PRR16: variants seen among roughly 807,000 people sequenced by gnomAD.
PRR16 encodes the protein proline rich 16, also known as protein Largen.
PRR16 carries 6 observed loss-of-function variants against 18.2 expected under a neutral mutation model. The ratio of observed to expected loss-of-function variants is 0.33; its 90% CI spans 0.18 to 0.65. The LOEUF is 0.65. PRR16 is among the 30% of genes least tolerant of loss of function. PRR16 has a pLI of 0.74. For synonymous variants in PRR16, 151 were observed against 147.8 expected (o/e 1.02, Z -0.16); for missense variants, 412 against 376.6 (o/e 1.09, Z -0.78).
At chr5:120,651,991 C>T (rs531795541) in intron 1 of PRR16, among the ~76,000 whole-genome samples, 1 of 151,964 alleles carries the variant, frequency 6.6e-6, no homozygotes, top group African/African-American at 2.4e-5. Flanking sequence ...TCTTTGTATC[C>T]TCTTTTATTT....
chr5:120,789,156 C>T, the PRR16 span, among the ~76,000 whole-genome samples: 1 of 152,010 alleles, frequency 6.6e-6, no homozygotes, highest in South Asian at 2.1e-4. Flanking sequence ...TTTCTGATAA[C>T]TTATAAATCA....
chr5:120,607,469 A>T (rs543105407), intron 1 of PRR16, among the ~76,000 whole-genome samples: 1 of 152,302 alleles, frequency 6.6e-6, no homozygotes, highest in Non-Finnish European at 1.5e-5. Context: ...AGAAGATTTC[A>T]TTTGAGAATT....
chr5:120,762,194 C>T, the PRR16 span, among the ~76,000 whole-genome samples: 1 of 152,106 alleles, frequency 6.6e-6, no homozygotes, highest in East Asian at 1.9e-4. Flanking sequence ...GCAAGTATCA[C>T]TTTGATATGT....
intron 1 of PRR16, among the ~76,000 whole-genome samples, chr5:120,520,670 T>C (rs1038069234): frequency 1.3e-5 from 2 of 152,188 alleles, no homozygotes; most frequent in Non-Finnish European, 2.9e-5. Context: ...TGTTGCATTT[T>C]ATTGTTCTCA....
the PRR16 span, among the ~76,000 whole-genome samples, chr5:120,756,045 G>T: frequency 6.6e-6 from 1 of 152,090 alleles, no homozygotes; most frequent in Non-Finnish European, 1.5e-5. Flanking sequence ...GTTGTGGAAG[G>T]TGACCAGTCA....
At chr5:120,647,179 G>A (rs1046424326) in intron 1 of PRR16, among the ~76,000 whole-genome samples, 1 of 151,762 alleles carries the variant, frequency 6.6e-6, no homozygotes, top group South Asian at 2.1e-4. Flanking sequence ...GGCGGGAGAA[G>A]TATAGAATGG....
chr5:120,607,131 T>C (rs997434839), intron 1 of PRR16, among the ~76,000 whole-genome samples: 3 of 152,206 alleles, frequency 2.0e-5, no homozygotes, highest in Admixed American at 6.5e-5. Context: ...CTATAAATAG[T>C]GGTTCCCAAT....
At chr5:120,521,589 GATCAA>G (rs1331568626) in intron 1 of PRR16, among the ~76,000 whole-genome samples, 1 of 152,058 alleles carries the variant, frequency 6.6e-6, no homozygotes, top group Non-Finnish European at 1.5e-5. Context: ...ATTGTGCAAT[GATCAA>G]ATCAGGGTAA....
chr5:120,470,172 G>A (rs1244509433), intron 1 of PRR16, among the ~76,000 whole-genome samples: 1 of 152,140 alleles, frequency 6.6e-6, no homozygotes, highest in Non-Finnish European at 1.5e-5. Context: ...CAATTTTAGA[G>A]ATTTAGAGTA....
At chr5:120,734,004 C>A in the PRR16 span, among the ~76,000 whole-genome samples, 1 of 152,132 alleles carries the variant, frequency 6.6e-6, no homozygotes, top group African/African-American at 2.4e-5. Flanking sequence ...AAAAAAAAAT[C>A]TACTTATTCA....
chr5:120,742,173 A>G, the PRR16 span, among the ~76,000 whole-genome samples: 1 of 151,698 alleles, frequency 6.6e-6, no homozygotes, highest in Non-Finnish European at 1.5e-5. Flanking sequence ...TTTGAAGCCT[A>G]TAAATAAATT....
At chr5:120,577,943 C>T (rs902177696) in intron 1 of PRR16, among the ~76,000 whole-genome samples, 5 of 151,906 alleles carry the variant, frequency 3.3e-5, no homozygotes, top group South Asian at 4.1e-4. Context: ...CTAGCACTTT[C>T]GGAATCCAGA....
At chr5:120,638,827 A>G (rs568133313) in intron 1 of PRR16, among the ~76,000 whole-genome samples, 1 of 152,264 alleles carries the variant, frequency 6.6e-6, no homozygotes, top group South Asian at 2.1e-4. Flanking sequence ...TTGGGAAGAA[A>G]AGGGAAAAAT....
chr5:120,467,771 C>A (rs1012145299), intron 1 of PRR16, among the ~76,000 whole-genome samples: 1 of 152,052 alleles, frequency 6.6e-6, no homozygotes, highest in South Asian at 2.1e-4. Context: ...CAAAGAGCAG[C>A]CTTATTCTAC....
At chr5:120,626,453 A>G (rs559249559) in intron 1 of PRR16, among the ~76,000 whole-genome samples, 6 of 152,290 alleles carry the variant, frequency 3.9e-5, no homozygotes, top group African/African-American at 1.4e-4. Flanking sequence ...ACTACAAGTT[A>G]TAATAGTGAT....
At chr5:120,619,946 G>T (rs1469672796) in intron 1 of PRR16, among the ~76,000 whole-genome samples, 1 of 152,094 alleles carries the variant, frequency 6.6e-6, no homozygotes, top group African/African-American at 2.4e-5. Flanking sequence ...TTTTCTGCCT[G>T]AGTTGGAGGT....
chr5:120,755,712 T>C, the PRR16 span, among the ~76,000 whole-genome samples: 9 of 152,140 alleles, frequency 5.9e-5, no homozygotes, highest in African/African-American at 2.2e-4. Context: ...CATGCCTTTC[T>C]GGTAGAATTA....
the PRR16 span, among the ~76,000 whole-genome samples, chr5:120,722,970 T>C: frequency 6.6e-6 from 1 of 151,550 alleles, no homozygotes; most frequent in Non-Finnish European, 1.5e-5. Context: ...ATATATATAA[T>C]AAGCTATAAA....
chr5:120,632,601 A>G (rs1419719397), intron 1 of PRR16, among the ~76,000 whole-genome samples: 1 of 152,176 alleles, frequency 6.6e-6, no homozygotes, highest in Non-Finnish European at 1.5e-5. Context: ...AGTCTCAGCA[A>G]TAGACTCGAA....
Sources: allele counts gnomAD v4.1 joint callset (sites outside exome capture counted in the v4.1 genomes callset), GRCh38; gene constraint gnomAD v4.1.1; transcripts MANE v1.5; gene names NCBI Gene and HGNC (gene_info 2026-07-23, HGNC 2026-07-21).